VPS13B: variants seen among roughly 807,000 people sequenced by gnomAD.
The protein encoded by VPS13B is vacuolar protein sorting 13 homolog B.
In VPS13B, 285 loss-of-function variants were observed where a neutral mutation model predicts 426.4. The observed-to-expected ratio is 0.67, with a 90% confidence interval of 0.61 to 0.74. VPS13B has a LOEUF of 0.74. Among genes scored for constraint, VPS13B ranks in the 30% least tolerant of loss-of-function variants. The pLI is 0.00. For synonymous variants in VPS13B, 1,676 were observed against 1,676.4 expected, an observed-to-expected ratio of 1.00 and a Z score of 0.01; for missense variants, 4,537 against 4,782.6, an observed-to-expected ratio of 0.95 and a Z score of 1.51.
intron 40 of VPS13B, among the ~76,000 whole-genome samples, chr8:99,767,222 GA>G (rs1811269664): frequency 6.6e-6 from 1 of 151,004 alleles, no homozygotes; most frequent in African/African-American, 2.4e-5. Flanking sequence ...AATATAAAAA[GA>G]AAAAAATGGA....
chr8:99,268,636 C>G (rs555364740), intron 17 of VPS13B, among the ~76,000 whole-genome samples: 2 of 152,318 alleles, frequency 1.3e-5, no homozygotes, highest in East Asian at 1.9e-4. Flanking sequence ...GTCTGTACCC[C>G]CATTGTATCT....
chr8:99,265,461 A>T lies in VPS13B; in HGVS notation c.2516-8737A>T, dbSNP rs181214555. On this transcript the variant is annotated intron_variant, in intron 17 of 61. Transcript: ENST00000357162. ...TAGTAAAGGAAGGGTAGATCTCATTATCCAGTATGTGTATGCCATATAGAT... is the reference window on the plus strand; with the variant it reads ...TAGTAAAGGAAGGGTAGATCTCATTTTCCAGTATGTGTATGCCATATAGAT... Among the ~76,000 whole-genome samples, 547 of 148,692 alleles carry T rather than the reference A, an allele frequency of 3.7e-3. 4 individuals carry two copies. The highest frequency in any genetic ancestry group is 0.013 in the South Asian group (61 of 4,718).
chr8:99,466,981 T>G (rs1308732689), intron 23 of VPS13B, among the ~76,000 whole-genome samples: 2 of 152,130 alleles, frequency 1.3e-5, no homozygotes, highest in East Asian at 3.9e-4. Flanking sequence ...CAAAGTACCA[T>G]AAACTGGGTG....
At chr8:99,724,124 T>G (rs750655512) in intron 39 of VPS13B, among the ~76,000 whole-genome samples, 3 of 152,184 alleles carry the variant, frequency 2.0e-5, no homozygotes, top group Non-Finnish European at 4.4e-5. Context: ...AGAACTTCAG[T>G]TGAGGACAGA....
At chr8:99,356,094 G>A (rs940990778) in intron 19 of VPS13B, among the ~76,000 whole-genome samples, 2 of 152,110 alleles carry the variant, frequency 1.3e-5, no homozygotes, top group African/African-American at 2.4e-5. Context: ...TTATTGGGGT[G>A]AAAATAGAGG....
intron 15 of VPS13B, among the ~76,000 whole-genome samples, chr8:99,159,563 C>T (rs1045686569): frequency 7.2e-5 from 11 of 152,164 alleles, no homozygotes; most frequent in African/African-American, 2.4e-4. Flanking sequence ...CTTTTAGCAA[C>T]CACCATCCTG....
intron 23 of VPS13B, among the ~76,000 whole-genome samples, chr8:99,443,857 A>G (rs1208997465): frequency 1.3e-5 from 2 of 152,148 alleles, no homozygotes. Flanking sequence ...GTTGTGTCGT[A>G]TAGTAACTAT....
intron 33 of VPS13B, among the ~76,000 whole-genome samples, chr8:99,628,471 CT>C (rs1277336558): frequency 2.0e-5 from 3 of 152,138 alleles, no homozygotes; most frequent in African/African-American, 7.2e-5. Flanking sequence ...CTCCTGTTCC[CT>C]TTTCCTCATG....
At chr8:99,675,343 C>G (rs1260541577) in intron 35 of VPS13B, among the ~76,000 whole-genome samples, 1 of 152,008 alleles carries the variant, frequency 6.6e-6, no homozygotes, top group African/African-American at 2.4e-5. Context: ...CTTCTATATT[C>G]TTTGCTTCTT....
At chr8:99,437,412 A>AT (rs545927276) in intron 22 of VPS13B, among the ~76,000 whole-genome samples, 118 of 151,030 alleles carry the variant, frequency 7.8e-4, no homozygotes, top group Admixed American at 2.0e-3. Context: ...TTTAAAAAAA[A>AT]ATATATATAT....
intron 17 of VPS13B, among the ~76,000 whole-genome samples, chr8:99,272,723 C>T (rs1419163372): frequency 2.6e-5 from 4 of 152,082 alleles, no homozygotes; most frequent in Non-Finnish European, 5.9e-5. Context: ...GCAAGTAGTA[C>T]ATAATAAAGA....
chr8:99,468,350 C>T (rs992038991), intron 24 of VPS13B, among the ~76,000 whole-genome samples: 1 of 151,868 alleles, frequency 6.6e-6, no homozygotes, highest in Non-Finnish European at 1.5e-5. Flanking sequence ...TTTGTGCAAA[C>T]CCAGGTGATG....
At chr8:99,664,471 C>A (rs1339763319) in intron 35 of VPS13B, among the ~76,000 whole-genome samples, 1 of 151,988 alleles carries the variant, frequency 6.6e-6, no homozygotes, top group Non-Finnish European at 1.5e-5. Flanking sequence ...TCCCCCTGAC[C>A]CCCACCCCAC....
intron 32 of VPS13B, 39 bp from the exon 33 acceptor site, chr8:99,577,451 T>C: frequency 6.2e-7 from 1 of 1,611,950 alleles, no homozygotes. Flanking sequence ...CTGAAAGCTA[T>C]CATGTTTCTT....
chr8:99,031,544 C>T (rs1324611632), intron 2 of VPS13B, among the ~76,000 whole-genome samples: 5 of 152,256 alleles, frequency 3.3e-5, no homozygotes, highest in East Asian at 1.9e-4. Context: ...AAGTAGTTTT[C>T]GTAGGAAAAA....
At chr8:99,186,842 A>G (rs1813245585) in intron 16 of VPS13B, among the ~76,000 whole-genome samples, 1 of 152,166 alleles carries the variant, frequency 6.6e-6, no homozygotes, top group South Asian at 2.1e-4. Flanking sequence ...ACCCTTGGGC[A>G]TTACTAAAAT....
intron 7 of VPS13B, chr8:99,120,278 C>T (rs1423599875): frequency 6.6e-6 from 1 of 152,124 alleles, no homozygotes; most frequent in Non-Finnish European, 1.5e-5. Flanking sequence ...TCTCGAACTC[C>T]TGAGCTCAGG....
chr8:99,115,017 G>A (rs1354655034), intron 6 of VPS13B, among the ~76,000 whole-genome samples: 1 of 151,870 alleles, frequency 6.6e-6, no homozygotes, highest in Non-Finnish European at 1.5e-5. Context: ...TTGTTATAAT[G>A]GTTTCATTTT....
intron 23 of VPS13B, among the ~76,000 whole-genome samples, chr8:99,446,633 T>C (rs112939903): frequency 1.5e-3 from 232 of 152,322 alleles, no homozygotes; most frequent in African/African-American, 5.1e-3. Flanking sequence ...TTCTTTAATC[T>C]AGTTCATTAA....
Sources: gnomAD v4.1 joint callset for allele counts (sites outside exome capture counted in the v4.1 genomes callset) on GRCh38, gnomAD v4.1.1 for gene constraint, MANE v1.5 for transcripts, NCBI Gene and HGNC (gene_info 2026-07-23, HGNC 2026-07-21) for gene names.